The following CHST9 variants were observed in gnomAD, a reference collection of about 807,000 sequenced individuals.
CHST9 encodes the protein carbohydrate sulfotransferase 9.
In CHST9, 41 loss-of-function variants were observed where a neutral mutation model predicts 44.4. That is an observed-to-expected ratio of 0.92 (90% CI 0.72 to 1.20). CHST9 has a LOEUF of 1.20. CHST9 is among the 50% of genes most tolerant of loss of function. CHST9 has a pLI of 0.00. For missense variants in CHST9, 504 were observed against 516.5 expected, an observed-to-expected ratio of 0.98 and a Z score of 0.23; for synonymous variants, 171 against 178.4, an observed-to-expected ratio of 0.96 and a Z score of 0.33.
chr18:26,921,591 A>C (rs1568092063), intron 5 of CHST9, among the ~76,000 whole-genome samples: 1 of 152,120 alleles, frequency 6.6e-6, no homozygotes, highest in Non-Finnish European at 1.5e-5. Context: ...ATCACAGCAA[A>C]GACTCCATGA....
intron 2 of CHST9, among the ~76,000 whole-genome samples, chr18:27,123,675 C>A (rs2058394795): frequency 6.6e-6 from 1 of 152,128 alleles, no homozygotes; most frequent in Non-Finnish European, 1.5e-5. Flanking sequence ...CAGTTTGCTG[C>A]AAAGCAGGAA....
At position 27,042,923 on chromosome 18, in the gene CHST9, A is replaced by G. The variant is rs377398725; in HGVS notation, c.160+5542T>C. 6.6e-5 allele frequency among the ~76,000 whole-genome samples: 10 copies of G among 152,108 alleles called. No homozygotes were observed. The East Asian group carries it at 1.6e-3, about 24-fold the overall frequency. On this transcript the variant is annotated intron_variant, in intron 3 of 5. Coordinates refer to ENST00000618847, the MANE Select transcript of CHST9 (RefSeq NM_031422.6). ...CCCTTGTCACTTGGTTTTCACTTAC[A>G]GAATTCCTCCAGCATAATTTCTCTG...
intron 5 of CHST9, among the ~76,000 whole-genome samples, chr18:26,943,262 G>A (rs556590935): frequency 6.6e-6 from 1 of 152,342 alleles, no homozygotes; most frequent in East Asian, 1.9e-4. Context: ...AATGGCACCT[G>A]ATTAAATTTT....
intron 5 of CHST9, chr18:26,934,411 T>G (rs987056111): frequency 6.6e-5 from 10 of 152,036 alleles, no homozygotes; most frequent in African/African-American, 2.2e-4. Context: ...ATTTTTTGTA[T>G]TTTTAGTAGA....
intron 3 of CHST9, among the ~76,000 whole-genome samples, chr18:27,032,328 C>G (rs1217670556): frequency 6.6e-6 from 1 of 152,168 alleles, no homozygotes; most frequent in Non-Finnish European, 1.5e-5. Context: ...TCAAAACACA[C>G]AGAGACATAC....
chr18:27,152,068 T>G (rs1207231570), intron 1 of CHST9, among the ~76,000 whole-genome samples: 1 of 152,192 alleles, frequency 6.6e-6, no homozygotes, highest in East Asian at 1.9e-4. Flanking sequence ...GGGCTATTCC[T>G]GTAATAACTC....
In CHST9 at chr18:27,019,689, CAA is replaced by C. The variant is rs60043018; in HGVS notation, c.202+4425_202+4426del. On this transcript the variant is annotated intron_variant, in intron 4 of 5. Coordinates refer to ENST00000618847, the MANE Select transcript of CHST9 (RefSeq NM_031422.6). ...AATTGACCACTGTTTCACTACATGG[CAA>C]AAAAAAAAAAAAAAAAAAAAGAGAG... 9.1e-4 allele frequency among the ~76,000 whole-genome samples: 83 copies of C among 91,296 alleles called. 1 individual carries two copies. The highest frequency in any genetic ancestry group is 3.2e-3 in the African/African-American group (75 of 23,426). 59.9% of individuals were successfully genotyped at this position (91,296 alleles called of 152,430 possible).
chr18:27,094,976 A>G (rs2058103158), intron 2 of CHST9, among the ~76,000 whole-genome samples: 3 of 152,172 alleles, frequency 2.0e-5, no homozygotes, highest in Non-Finnish European at 4.4e-5. Flanking sequence ...CACATTTTCT[A>G]TTTCTACTAT....
At chr18:27,166,087 G>C (rs2058788054) in intron 1 of CHST9, among the ~76,000 whole-genome samples, 1 of 152,038 alleles carries the variant, frequency 6.6e-6, no homozygotes, top group Non-Finnish European at 1.5e-5. Flanking sequence ...TCTTTCTTCT[G>C]TCTTGGAGTT....
intron 3 of CHST9, among the ~76,000 whole-genome samples, chr18:27,025,498 C>T (rs557648122): frequency 6.6e-6 from 1 of 152,218 alleles, no homozygotes; most frequent in Non-Finnish European, 1.5e-5. Context: ...TACCAGTTTA[C>T]ACTTGCATCA....
chr18:27,033,166 G>GT (rs935387768), intron 3 of CHST9, among the ~76,000 whole-genome samples: 5 of 152,214 alleles, frequency 3.3e-5, no homozygotes, highest in African/African-American at 9.6e-5. Flanking sequence ...CTGTTGGGCA[G>GT]TGAGTGTTCA....
At chr18:27,171,331 G>A (rs929901951) in intron 1 of CHST9, among the ~76,000 whole-genome samples, 2 of 152,182 alleles carry the variant, frequency 1.3e-5, no homozygotes, top group Non-Finnish European at 2.9e-5. Context: ...AATGCAGGAG[G>A]TAGCATTACA....
intron 4 of CHST9, among the ~76,000 whole-genome samples, chr18:26,961,251 G>A (rs973951784): frequency 2.0e-5 from 3 of 152,174 alleles, no homozygotes; most frequent in African/African-American, 7.2e-5. Flanking sequence ...TGTATGTAAG[G>A]CTAGAGAACA....
At chr18:27,107,359 T>C (rs1035538738) in intron 2 of CHST9, among the ~76,000 whole-genome samples, 2 of 152,174 alleles carry the variant, frequency 1.3e-5, no homozygotes, top group Non-Finnish European at 2.9e-5. Context: ...CTGGCTTTGG[T>C]CGCCTGTTCA....
chr18:27,124,876 G>A (rs1369535030), intron 2 of CHST9, among the ~76,000 whole-genome samples: 1 of 152,092 alleles, frequency 6.6e-6, no homozygotes, highest in African/African-American at 2.4e-5. Flanking sequence ...CAATTTCATT[G>A]TTTACAGTAT....
chr18:27,016,037 T>C (rs1286045506), intron 4 of CHST9, among the ~76,000 whole-genome samples: 1 of 152,238 alleles, frequency 6.6e-6, no homozygotes, highest in African/African-American at 2.4e-5. Flanking sequence ...ACAGACCTCC[T>C]GTCTTGAGAA....
rs2055479928 is a variant in CHST9 at position 26,914,206 on chromosome 18, C to T, written c.*2053G>A. 1 of 152,176 alleles carries T rather than the reference C, an allele frequency of 6.6e-6. No individual in the cohort carries two copies. The highest frequency in any genetic ancestry group is 2.1e-4 in the South Asian group (1 of 4,832). The allele number at this position is 152,176 out of a possible 1,614,324, so 9.4% of individuals were successfully genotyped here. On this transcript the variant is annotated 3_prime_UTR_variant, in exon 6 of 6. Coordinates refer to ENST00000618847, the MANE Select transcript of CHST9 (RefSeq NM_031422.6). ...GCATTCCACCCTGCCCAATGCATTA[C>T]AAATGCCAATAAGAGAGGTAGGACT...
intron 5 of CHST9, among the ~76,000 whole-genome samples, chr18:26,921,678 C>CATA (rs2055657096): frequency 2.6e-5 from 4 of 152,094 alleles, no homozygotes; most frequent in African/African-American, 9.7e-5. Context: ...GTCCCATCAT[C>CATA]ATCATCATCA....
intron 2 of CHST9, among the ~76,000 whole-genome samples, chr18:27,119,839 TTAAG>T (rs2058359795): frequency 6.6e-6 from 1 of 152,128 alleles, no homozygotes; most frequent in Non-Finnish European, 1.5e-5. Flanking sequence ...TGAACCAATG[TTAAG>T]TAAGGGTCAG....
Sources: gnomAD v4.1 joint callset for allele counts (sites outside exome capture counted in the v4.1 genomes callset) on GRCh38, gnomAD v4.1.1 for gene constraint, MANE v1.5 for transcripts, NCBI Gene and HGNC (gene_info 2026-07-23, HGNC 2026-07-21) for gene names.